The following CATSPER3 variants were observed in gnomAD, a reference collection of about 807,000 sequenced individuals.
The protein encoded by CATSPER3 is cation channel sperm-associated protein 3.
CATSPER3 carries 23 observed loss-of-function variants against 36.6 expected under a neutral mutation model. The observed-to-expected ratio is 0.63, with a 90% CI of 0.45 to 0.89. CATSPER3 has a LOEUF of 0.89. Ranked by LOEUF, CATSPER3 falls within the 40% of genes least tolerant of loss-of-function variation. The pLI, the probability that CATSPER3 is intolerant of heterozygous loss-of-function variation, is 0.00. For missense variants in CATSPER3, 474 were observed against 503.9 expected, an observed-to-expected ratio of 0.94 and a Z score of 0.57; for synonymous variants, 172 against 184.1, an observed-to-expected ratio of 0.93 and a Z score of 0.53.
chr5:134,971,368 C>T (rs1751604613), intron 2 of CATSPER3, among the ~76,000 whole-genome samples: 1 of 151,984 alleles, frequency 6.6e-6, no homozygotes, highest in African/African-American at 2.4e-5. Context: ...CTGCAGTGAG[C>T]TGTGATTGCA....
intron 2 of CATSPER3, among the ~76,000 whole-genome samples, chr5:134,985,157 A>G (rs1383007703): frequency 2.0e-5 from 3 of 152,200 alleles, no homozygotes; most frequent in African/African-American, 4.8e-5. Context: ...TCACAGTTGT[A>G]AAGAATTGGT....
chr5:134,968,558 G>T (rs1359985365), intron 1 of CATSPER3: 1 of 180,782 alleles, frequency 5.5e-6, no homozygotes, highest in African/African-American at 2.4e-5. Flanking sequence ...CGGAGTGATG[G>T]TGTGCACCTG....
intron 3 of CATSPER3, among the ~76,000 whole-genome samples, chr5:135,000,531 C>G (rs1752007583): frequency 6.6e-6 from 1 of 152,182 alleles, no homozygotes; most frequent in African/African-American, 2.4e-5. Context: ...TAGAATTTGG[C>G]TGTGAATCCA....
Position 134,996,504 on chromosome 5 carries a change from G to A in CATSPER3, c.484G>A (p.Gly162Ser). Residue 162 changes from glycine (G) to serine (S), a missense_variant, in exon 3 of 8, where the codon GGC becomes AGC. Gly to Ser is a moderately conservative substitution (Grantham distance 56). Coordinates refer to ENST00000282611, the MANE Select transcript of CATSPER3 (RefSeq NM_178019.3). ...CCTCAAGCTTATCGGCTATAGCCAG[G>A]GCATCCGGGTGAGTGCACTGGGGGT... ...RILKLIGYSQGIRTLITAVGQ... is the reference protein window; with the variant it reads ...RILKLIGYSQSIRTLITAVGQ... 1 of 1,614,064 alleles carries A rather than the reference G, an allele frequency of 6.2e-7. No individual in the cohort carries two copies. The highest frequency in any genetic ancestry group is 8.5e-7 in the Non-Finnish European group (1 of 1,180,024).
chr5:134,969,687 G>A, intron 1 of CATSPER3: 1 of 509,952 alleles, frequency 2.0e-6, no homozygotes. Context: ...GCTGGAGAAG[G>A]AGTGGTGACC....
At position 135,011,543 on chromosome 5, in the gene CATSPER3, A is replaced by G. The variant is rs1398835000; in HGVS notation, c.1117A>G (p.Ile373Val). ...CAGGCTTCAAGAGCTGTACTATGAGATCGTGCATGTGCTGAGCCTAATGCT... is the reference window on the plus strand; with the variant it reads ...CAGGCTTCAAGAGCTGTACTATGAGGTCGTGCATGTGCTGAGCCTAATGCT... ...VHKLQELYYEIVHVLSLMLED... is the reference protein window; with the variant it reads ...VHKLQELYYEVVHVLSLMLED... Residue 373 changes from isoleucine to valine, a missense_variant, in exon 8 of 8, where the codon ATC becomes GTC. Coordinates refer to ENST00000282611, the MANE Select transcript of CATSPER3 (RefSeq NM_178019.3). 2 of 1,613,804 alleles carry G rather than the reference A, an allele frequency of 1.2e-6. No individual in the cohort carries two copies. The highest frequency in any genetic ancestry group is 1.3e-5 in the African/African-American group (1 of 74,914).
At position 134,996,470 on chromosome 5, in the gene CATSPER3, C is replaced by T. The variant is rs1163587479; in HGVS notation, c.450C>T (p.Ser150=). 6.2e-7 allele frequency: 1 copy of T among 1,614,128 alleles called. No homozygotes were observed. Among genetic ancestry groups the T allele is most frequent in the Non-Finnish European group, 8.5e-7 (1 of 1,179,990 alleles). The change falls in exon 3 of 8, where the codon TCC becomes TCT. Residue 150 remains serine (S), a synonymous_variant. Transcript: ENST00000282611. ...TYLYIADGMQ[S]LRILKLIGYS... is the part of the protein sequence containing the mutation. ...TGTATATCGCTGATGGCATGCAGTC[C>T]CTGCGCATCCTCAAGCTTATCGGCT... is the stretch of plus-strand genomic sequence containing the variant.
intron 2 of CATSPER3, among the ~76,000 whole-genome samples, chr5:134,974,533 G>A (rs753584655): frequency 1.3e-4 from 20 of 152,146 alleles, no homozygotes; most frequent in Non-Finnish European, 2.5e-4. Context: ...GGTAGTTACA[G>A]GGATATTGGC....
intron 2 of CATSPER3, among the ~76,000 whole-genome samples, chr5:134,988,810 T>TG (rs1469290716): frequency 6.6e-6 from 1 of 152,124 alleles, no homozygotes; most frequent in Non-Finnish European, 1.5e-5. Context: ...TCTCTTCCTG[T>TG]GAGTCCTGAA....
chr5:134,997,841 C>T lies in CATSPER3; in HGVS notation c.492+1329C>T, dbSNP rs113283286. Among the ~76,000 whole-genome samples, 938 of 152,294 alleles carry T rather than the reference C, an allele frequency of 6.2e-3. 17 individuals are homozygous for T. Among genetic ancestry groups the T allele is most frequent in the African/African-American group, 0.021 (887 of 41,558 alleles). ...CACAGGCTTCTCAAATTTGATGTGT[C>T]TAAACTGAAGTTGTCACTCACCCCC... On this transcript the variant is annotated intron_variant, in intron 3 of 7. Coordinates refer to ENST00000282611, the MANE Select transcript of CATSPER3 (RefSeq NM_178019.3).
At chr5:134,980,426 TTTC>T (rs1751736829) in intron 2 of CATSPER3, among the ~76,000 whole-genome samples, 1 of 146,808 alleles carries the variant, frequency 6.8e-6, no homozygotes, top group Non-Finnish European at 1.5e-5. Context: ...TCTTTTTTTC[TTTC>T]TTTCTTTTTT....
intron 1 of CATSPER3, chr5:134,969,536 T>G (rs1254430598): frequency 3.8e-6 from 1 of 266,352 alleles, no homozygotes; most frequent in African/African-American, 2.2e-5. Context: ...GGGTGATTAT[T>G]TGATGATTAT....
intron 7 of CATSPER3, among the ~76,000 whole-genome samples, chr5:135,010,940 C>T (rs943315254): frequency 6.6e-6 from 1 of 152,226 alleles, no homozygotes; most frequent in African/African-American, 2.4e-5. Flanking sequence ...ACATGAGGGG[C>T]TACTGGGCTG....
intron 2 of CATSPER3, among the ~76,000 whole-genome samples, chr5:134,992,855 A>G (rs187670409): frequency 7.0e-4 from 106 of 152,346 alleles, no homozygotes; most frequent in Non-Finnish European, 1.2e-3. Context: ...GCAGTTCCTA[A>G]GAAAGTTAAA....
rs753785477 is a variant in CATSPER3, at chr5:134,996,278, G to A, written c.258G>A (p.Ser86=). ...AACCCTTGCTACCCCTGTAGTTCTC[G>A]GAGATCTTCTTTGTGTCCATCTGCA... ...RYRLFRLLEF[S]EIFFVSICTS... is the part of the protein sequence containing the mutation. The change falls in exon 3 of 8, where the codon TCG becomes TCA. Residue 86 remains serine, a synonymous_variant. Transcript: ENST00000282611. 51 of 1,614,088 alleles carry A rather than the reference G, an allele frequency of 3.2e-5. No individual in the cohort carries two copies. The highest frequency in any genetic ancestry group is 3.9e-5 in the Non-Finnish European group (46 of 1,180,044).
chr5:134,987,943 C>G (rs1268105585), intron 2 of CATSPER3, among the ~76,000 whole-genome samples: 1 of 152,022 alleles, frequency 6.6e-6, no homozygotes, highest in Non-Finnish European at 1.5e-5. Context: ...AAGTTCTAGC[C>G]AGAGTCATCA....
chr5:135,009,191 C>T (rs967207537), intron 5 of CATSPER3, among the ~76,000 whole-genome samples, 180 bp from the exon 6 acceptor site: 19 of 152,282 alleles, frequency 1.2e-4, no homozygotes, highest in South Asian at 2.1e-4. Flanking sequence ...GTCAACAGGA[C>T]GGTGGGGCTT....
chr5:135,011,021 G>C (rs997323301), intron 7 of CATSPER3, among the ~76,000 whole-genome samples: 6 of 152,220 alleles, frequency 3.9e-5, no homozygotes, highest in African/African-American at 1.4e-4. Context: ...GTGTGAGTCA[G>C]CTGGGATTAT....
At chr5:134,997,282 C>T (rs891173966) in intron 3 of CATSPER3, among the ~76,000 whole-genome samples, 3 of 152,218 alleles carry the variant, frequency 2.0e-5, no homozygotes, top group Non-Finnish European at 4.4e-5. Flanking sequence ...CTCTGGGAGC[C>T]CCAGGCCTGG....
Sources: gnomAD v4.1 joint callset for allele counts (sites outside exome capture counted in the v4.1 genomes callset) on GRCh38, gnomAD v4.1.1 for gene constraint, MANE v1.5 for transcripts, NCBI Gene and HGNC (gene_info 2026-07-23, HGNC 2026-07-21) for gene names.